CHRNA2: variants seen among roughly 807,000 people sequenced by gnomAD.
The protein encoded by CHRNA2 is cholinergic receptor nicotinic alpha 2 subunit, also known as neuronal acetylcholine receptor subunit alpha-2.
A neutral mutation model predicts 45.5 loss-of-function variants in CHRNA2; 40 were observed. The observed-to-expected ratio is 0.88, with a 90% CI of 0.68 to 1.15. The LOEUF (loss-of-function observed/expected upper bound fraction) is 1.15, where lower values mean the gene tolerates loss of function less well. Ranked by LOEUF, CHRNA2 falls within the 50% of genes most tolerant of loss-of-function variation. CHRNA2 has a pLI of 0.00. For missense variants in CHRNA2, 655 were observed against 701.7 expected (o/e 0.93, Z 0.75); for synonymous variants, 301 against 296.7 (o/e 1.01, Z -0.15).
chr8:27,464,256 C>T lies in CHRNA2; in HGVS notation c.450-263G>A, dbSNP rs1812628999. Among the ~76,000 whole-genome samples, 3 of 152,074 alleles carry T rather than the reference C, an allele frequency of 2.0e-5. No homozygotes were observed. The South Asian group carries it at 6.2e-4, about 32-fold the overall frequency. ...GTACCAAGAATTCTAAAAACAACCA[C>T]TAATAACATTTTGATGATATATATG... On this transcript the variant is annotated intron_variant, in intron 5 of 6. Transcript: ENST00000407991.
At chr8:27,468,542 ACT>A (rs1364774109) in intron 4 of CHRNA2, among the ~76,000 whole-genome samples, 6 of 151,776 alleles carry the variant, frequency 4.0e-5, no homozygotes, top group Non-Finnish European at 7.4e-5. Flanking sequence ...GTCTCTTGGG[ACT>A]CTCACTCTGG....
chr8:27,467,117 G>A, intron 5 of CHRNA2, 112 bp downstream of exon 5: 1 of 759,632 alleles, frequency 1.3e-6, no homozygotes, highest in South Asian at 1.4e-5. Context: ...CAGCACAGCA[G>A]TCGAGAAGGA....
rs1019762891 is a variant in CHRNA2 at position 27,462,192 on chromosome 8, G to A, written c.1465-438C>T. ...GAGGGAAACAGGCGAAGGTGGTTGG[G>A]ACCCCAGGCAGGCTGGGGGTGGGGC... On this transcript the variant is annotated intron_variant, in intron 6 of 6. Coordinates refer to ENST00000407991, the MANE Select transcript of CHRNA2 (RefSeq NM_000742.4). Among the ~76,000 whole-genome samples the A allele has an allele frequency of 2.6e-5, 4 of 152,242 alleles. No homozygotes were observed. In the East Asian group the frequency reaches 7.7e-4, roughly 29 times the overall value.
At chr8:27,469,192 C>T in intron 4 of CHRNA2, 143 bp downstream of exon 4, 1 of 833,764 alleles carries the variant, frequency 1.2e-6, no homozygotes, top group Non-Finnish European at 2.0e-6. Context: ...GCTTTGGGAA[C>T]ATCCCACATG....
Position 27,469,921 on chromosome 8 carries a change from C to T in CHRNA2, c.134G>A (p.Ser45Asn). 1 of 1,614,126 alleles carries T rather than the reference C, an allele frequency of 6.2e-7. No individual in the cohort carries two copies. The highest frequency in any genetic ancestry group is 8.5e-7 in the Non-Finnish European group (1 of 1,180,028). Residue 45 changes from serine (S) to asparagine (N), a missense_variant, in exon 3 of 7, where the codon AGT (serine) becomes AAT (asparagine). Transcript: ENST00000407991. Reference protein sequence around the residue: ...RAPGDPLSSPSPTALPQGGSH... With the variant: ...RAPGDPLSSPNPTALPQGGSH... ...GCCTCCCTGCGGCAATGCCGTGGGA[C>T]TGGGAGAGGAGAGTGGGTCTCCAGG... is the stretch of plus-strand genomic sequence containing the variant.
intron 1 of CHRNA2, among the ~76,000 whole-genome samples, chr8:27,472,626 G>C (rs891053736): frequency 3.3e-5 from 5 of 152,174 alleles, no homozygotes; most frequent in African/African-American, 1.2e-4. Context: ...ACAGAACGTA[G>C]ATTAGTGGTT....
chr8:27,461,873 C>T, intron 6 of CHRNA2, 119 bp from the exon 7 acceptor site: 1 of 1,424,228 alleles, frequency 7.0e-7, no homozygotes, highest in Non-Finnish European at 9.8e-7. Context: ...CCACAGAGAC[C>T]TTGGGGAGCA....
At chr8:27,469,531 A>C in intron 3 of CHRNA2, 152 bp from the exon 4 acceptor site, 3 of 915,686 alleles carry the variant, frequency 3.3e-6, no homozygotes, top group Non-Finnish European at 5.2e-6. Context: ...ACCCTTACTC[A>C]GATTCTCCAG....
Position 27,470,974 on chromosome 8 carries a change from A to T in CHRNA2, c.73+12T>A. 6.2e-7 allele frequency: 1 copy of T among 1,613,716 alleles called. No individual in the cohort carries two copies. Among genetic ancestry groups the T allele is most frequent in the Non-Finnish European group, 8.5e-7 (1 of 1,179,664 alleles). On this transcript the variant is annotated intron_variant, in intron 2 of 6. Transcript: ENST00000407991. The stretch of plus-strand genomic sequence containing the variant: ...AGATGAAGTCTTACAATGACAGGTG[A>T]CAAACACTCACCTGCTGGGGTCAGA...
chr8:27,477,856 C>T (rs940620833), intron 1 of CHRNA2, among the ~76,000 whole-genome samples: 2 of 152,084 alleles, frequency 1.3e-5, no homozygotes, highest in Non-Finnish European at 2.9e-5. Context: ...GTAAAGTGCT[C>T]GGACATCAGT....
chr8:27,462,673 C>T (rs570904272), intron 6 of CHRNA2, among the ~76,000 whole-genome samples: 3 of 152,300 alleles, frequency 2.0e-5, no homozygotes, highest in Admixed American at 6.5e-5. Context: ...TGGGAGCTGG[C>T]GGCGTGAGGG....
Position 27,469,852 on chromosome 8 carries a change from C to G in CHRNA2, c.203G>C (p.Arg68Pro), listed in dbSNP as rs548268816. The G allele has an allele frequency of 1.9e-6, 3 of 1,613,970 alleles. No homozygotes were observed. Among genetic ancestry groups the G allele is most frequent in the African/African-American group, 1.3e-5 (1 of 74,914 alleles). The change falls in exon 3 of 7, where the codon CGG becomes CCG. Residue 68 changes from arginine (R) to proline (P), a missense_variant. Arg to Pro is a moderately radical substitution (Grantham distance 103). Transcript: ENST00000407991. ...CGGGCGCGCCCAGCGGTTGTAGCCC[C>G]GGAAGAGGTGTTTGAAGAGCCGGTC... ...TEDRLFKHLF[R>P]GYNRWARPVP...
At chr8:27,477,401 A>C (rs981929032) in intron 1 of CHRNA2, among the ~76,000 whole-genome samples, 1 of 152,158 alleles carries the variant, frequency 6.6e-6, no homozygotes, top group Non-Finnish European at 1.5e-5. Context: ...AACCAAGTGC[A>C]TTTTTTAAAA....
chr8:27,463,929 G>C lies in CHRNA2; in HGVS notation c.514C>G (p.His172Asp), dbSNP rs1812615836. The change falls in exon 6 of 7, where the codon CAC (histidine) becomes GAC (aspartate). Residue 172 changes from histidine (H) to aspartate (D), a missense_variant. By Grantham distance (81) the His-to-Asp change is moderately conservative. Around this residue, in one of 3 missense-constraint regions of CHRNA2, gnomAD observed 323 missense variants for 354.4 expected, o/e 0.91. Coordinates refer to ENST00000407991, the MANE Select transcript of CHRNA2 (RefSeq NM_000742.4). This position sits in a 1 kb window ranked among gnomAD's most constrained non-coding sequence, Gnocchi z 6.1. ...TTGTAGATGGCCGGGGGCACCCAGT[G>C]CACAGTGCCCGTGGAGAAGAGGTGG... ...KAHLFSTGTVHWVPPAIYKSS... is the reference protein window; with the variant it reads ...KAHLFSTGTVDWVPPAIYKSS... 1 of 1,614,178 alleles carries C rather than the reference G, an allele frequency of 6.2e-7. No individual in the cohort carries two copies. The highest frequency in any genetic ancestry group is 1.3e-5 in the African/African-American group (1 of 75,028).
At chr8:27,478,262 G>A (rs1309718182) in intron 1 of CHRNA2, among the ~76,000 whole-genome samples, 1 of 152,200 alleles carries the variant, frequency 6.6e-6, no homozygotes, top group Non-Finnish European at 1.5e-5. Context: ...TTAGGGGCTA[G>A]AGAGTGTAAT....
chr8:27,463,666 G>T lies in CHRNA2; in HGVS notation c.777C>A (p.Phe259Leu), dbSNP rs77769511. ...AGAAGAGCGGCAGCCGCCGGATGAC[G>T]AAGGCGTAGGTGACGTCGGGGTAGA... ...AEIYPDVTYA[F>L]VIRRLPLFYT... Residue 259 changes from phenylalanine (F) to leucine (L), a missense_variant, in exon 6 of 7, where the codon TTC becomes TTA. Phe to Leu is a conservative substitution (Grantham distance 22). This residue lies in a region of CHRNA2 where 323 missense variants were observed against 354.4 expected (regional missense o/e 0.91). Transcript: ENST00000407991. This position sits in a 1 kb window ranked among gnomAD's most constrained non-coding sequence, Gnocchi z 6.1. The T allele has an allele frequency of 3.1e-6, 5 of 1,614,166 alleles. No individual in the cohort carries two copies. Among genetic ancestry groups the T allele is most frequent in the East Asian group, 2.2e-5 (1 of 44,872 alleles).
rs777504286 is a variant in CHRNA2 at position 27,461,596 on chromosome 8, G to C, written c.*33C>G. 6.2e-7 allele frequency: 1 copy of C among 1,613,716 alleles called. No individual in the cohort carries two copies. Among genetic ancestry groups the C allele is most frequent in the Non-Finnish European group, 8.5e-7 (1 of 1,179,758 alleles). Reference sequence around the variant, plus strand: ...AGACGGTCAAAAGATGGTCAGCGGGGGTGCCCTGGGAGCCAGCTCGAGGGA... The same window carrying C: ...AGACGGTCAAAAGATGGTCAGCGGGCGTGCCCTGGGAGCCAGCTCGAGGGA... On this transcript the variant is annotated 3_prime_UTR_variant, in exon 7 of 7. Coordinates refer to ENST00000407991, the MANE Select transcript of CHRNA2 (RefSeq NM_000742.4).
At chr8:27,465,503 C>T (rs1238820692) in intron 5 of CHRNA2, among the ~76,000 whole-genome samples, 3 of 150,956 alleles carry the variant, frequency 2.0e-5, no homozygotes, top group Non-Finnish European at 4.4e-5. Flanking sequence ...GTGATCTCGG[C>T]TCACTACAAC....
At chr8:27,467,195 C>A in intron 5 of CHRNA2, 34 bp downstream of exon 5, 1 of 1,568,242 alleles carries the variant, frequency 6.4e-7, no homozygotes, top group Non-Finnish European at 8.8e-7. Context: ...AGTTGGCCTC[C>A]CCTCATCCCC....
Sources: gnomAD v4.1 joint callset for allele counts (sites outside exome capture counted in the v4.1 genomes callset) on GRCh38, gnomAD v4.1.1 for gene constraint, gnomAD v4.1.1 regional missense constraint, Gnocchi (gnomAD v3.1) non-coding constraint, MANE v1.5 for transcripts, NCBI Gene and HGNC (gene_info 2026-07-23, HGNC 2026-07-21) for gene names.